The following NOX4 variants were observed in gnomAD, a reference collection of about 807,000 sequenced individuals.
The protein encoded by NOX4 is kidney oxidase-1.
In NOX4, 69 loss-of-function variants were observed where a neutral mutation model predicts 87.6. The observed-to-expected ratio is 0.79, with a 90% CI of 0.65 to 0.96. The LOEUF (loss-of-function observed/expected upper bound fraction) is 0.96, where lower values mean the gene tolerates loss of function less well. NOX4 is among the 40% of genes least tolerant of loss of function. The pLI is 0.00. For missense variants in NOX4, 680 were observed against 681.5 expected, an observed-to-expected ratio of 1.00 and a Z score of 0.02; for synonymous variants, 275 against 238.2, an observed-to-expected ratio of 1.15 and a Z score of -1.42.
chr11:89,348,028 T>G (rs1946291577), intron 13 of NOX4, among the ~76,000 whole-genome samples: 1 of 152,100 alleles, frequency 6.6e-6, no homozygotes, highest in Non-Finnish European at 1.5e-5. Context: ...GTAATCCCAA[T>G]ATTTTGGGAG....
the NOX4 span, among the ~76,000 whole-genome samples, chr11:89,543,561 G>A: frequency 6.6e-6 from 1 of 152,088 alleles, no homozygotes; most frequent in East Asian, 1.9e-4. Flanking sequence ...AGGAGGGTGT[G>A]AGGAGGAAAA....
intron 8 of NOX4, among the ~76,000 whole-genome samples, chr11:89,417,060 G>A (rs1942823269): frequency 6.6e-6 from 1 of 152,036 alleles, no homozygotes. Flanking sequence ...GTTAAATAAA[G>A]ACATAAAATA....
At chr11:89,351,064 T>C (rs1343147842) in intron 13 of NOX4, among the ~76,000 whole-genome samples, 1 of 152,216 alleles carries the variant, frequency 6.6e-6, no homozygotes, top group Non-Finnish European at 1.5e-5. Flanking sequence ...AAATTGCTAA[T>C]GCAAGGGAAA....
chr11:89,569,959 G>A, the NOX4 span, among the ~76,000 whole-genome samples: 1 of 148,880 alleles, frequency 6.7e-6, no homozygotes, highest in Non-Finnish European at 1.5e-5. Flanking sequence ...CCAAGATCAT[G>A]CCACTGCACT....
chr11:89,369,351 C>G (rs1470072575), intron 12 of NOX4, among the ~76,000 whole-genome samples: 1 of 151,988 alleles, frequency 6.6e-6, no homozygotes. Context: ...GGCTAAGTGG[C>G]AGGAGATAGA....
At chr11:89,455,670 T>A (rs937611391) in intron 2 of NOX4, among the ~76,000 whole-genome samples, 5 of 151,026 alleles carry the variant, frequency 3.3e-5, no homozygotes, top group African/African-American at 1.2e-4. Context: ...ATGGAAAATA[T>A]TATGAAGTGG....
chr11:89,345,215 T>C (rs1946164418), intron 13 of NOX4, among the ~76,000 whole-genome samples: 1 of 152,108 alleles, frequency 6.6e-6, no homozygotes, highest in Admixed American at 6.5e-5. Context: ...AGTCTGAGCA[T>C]TTGTAGTTTT....
intron 11 of NOX4, among the ~76,000 whole-genome samples, chr11:89,389,714 T>C (rs1034303141): frequency 6.6e-6 from 1 of 152,150 alleles, no homozygotes; most frequent in Non-Finnish European, 1.5e-5. Context: ...AGAGCAGTGT[T>C]AGCAATATGA....
the NOX4 span, among the ~76,000 whole-genome samples, chr11:89,571,682 T>C: frequency 4.6e-5 from 6 of 131,860 alleles, no homozygotes; most frequent in Non-Finnish European, 8.1e-5. Flanking sequence ...ATGCATTGTT[T>C]ACTTTTGTGA....
In NOX4 at chr11:89,325,436, T is replaced by C. The variant is rs917080072; in HGVS notation, c.*1320A>G. 14 of 152,110 alleles carry C rather than the reference T, an allele frequency of 9.2e-5. No homozygotes were observed. Among genetic ancestry groups the C allele is most frequent in the African/African-American group, 2.7e-4 (11 of 41,418 alleles). 9.4% of individuals were successfully genotyped at this position (152,110 alleles called of 1,614,324 possible). ...AATGCCTTAATTCTTAAGATAGTAA[T>C]GGGAAATATTGTTCTGAGCCAAGAA... On this transcript the variant is annotated 3_prime_UTR_variant, in exon 18 of 18. Coordinates refer to ENST00000263317, the MANE Select transcript of NOX4 (RefSeq NM_016931.5).
chr11:89,539,378 G>A, the NOX4 span, among the ~76,000 whole-genome samples: 1 of 152,048 alleles, frequency 6.6e-6, no homozygotes, highest in Admixed American at 6.6e-5. Context: ...GTTGCAGTGA[G>A]CTGAGATTAC....
intron 12 of NOX4, among the ~76,000 whole-genome samples, chr11:89,355,833 G>A (rs1247416755): frequency 6.6e-6 from 1 of 152,022 alleles, no homozygotes; most frequent in Non-Finnish European, 1.5e-5. Flanking sequence ...TTTCACATGT[G>A]TCTTAGACAG....
intron 17 of NOX4, among the ~76,000 whole-genome samples, chr11:89,331,448 A>G (rs1448814108): frequency 1.3e-5 from 2 of 151,834 alleles, no homozygotes; most frequent in Non-Finnish European, 2.9e-5. Context: ...AATTAAACCC[A>G]AAGTGAGCAA....
intron 7 of NOX4, among the ~76,000 whole-genome samples, chr11:89,432,051 G>A (rs1943819825): frequency 6.6e-6 from 1 of 152,076 alleles, no homozygotes; most frequent in East Asian, 1.9e-4. Flanking sequence ...GTCCTTTTTA[G>A]GGACATGGAT....
intron 8 of NOX4, among the ~76,000 whole-genome samples, chr11:89,420,712 G>A (rs1049886426): frequency 3.3e-5 from 5 of 152,128 alleles, no homozygotes; most frequent in Non-Finnish European, 7.4e-5. Flanking sequence ...ACATTCTGAA[G>A]AAAGAACTAA....
intron 2 of NOX4, among the ~76,000 whole-genome samples, chr11:89,469,727 C>T (rs1432027559): frequency 1.3e-5 from 2 of 152,180 alleles, no homozygotes; most frequent in South Asian, 2.1e-4. Context: ...TTGCCTAATG[C>T]TCTTTCCGTA....
chr11:89,437,339 T>C (rs78476266), intron 6 of NOX4, among the ~76,000 whole-genome samples: 3,413 of 152,228 alleles, frequency 0.022, 137 homozygotes, highest in African/African-American at 0.078. Context: ...TAGTCAACAT[T>C]AGTGATATAA....
chr11:89,348,149 G>A (rs567507030), intron 13 of NOX4, among the ~76,000 whole-genome samples: 1 of 152,238 alleles, frequency 6.6e-6, no homozygotes, highest in African/African-American at 2.4e-5. Flanking sequence ...CAGGTGTGGT[G>A]GCTCATGCCT....
the NOX4 span, among the ~76,000 whole-genome samples, chr11:89,585,732 C>T: frequency 1.3e-5 from 2 of 152,176 alleles, no homozygotes; most frequent in African/African-American, 4.8e-5. Flanking sequence ...ACGATTGAGT[C>T]ACAAATCTAA....
Sources: allele counts gnomAD v4.1 joint callset (sites outside exome capture counted in the v4.1 genomes callset), GRCh38; gene constraint gnomAD v4.1.1; transcripts MANE v1.5; gene names NCBI Gene and HGNC (gene_info 2026-07-23, HGNC 2026-07-21).